FBN2: variants seen among roughly 807,000 people sequenced by gnomAD.
FBN2 encodes the protein fibrillin 2.
Under a neutral mutation model 355.6 loss-of-function variants are expected in FBN2, and 105 were observed. The observed-to-expected ratio is 0.30, with a 90% CI of 0.25 to 0.35. The LOEUF is 0.35. Among genes scored for constraint, FBN2 ranks in the 10% least tolerant of loss-of-function variants. FBN2 has a pLI of 1.00. For missense variants in FBN2, 3,280 were observed against 3,758.7 expected (o/e 0.87, Z 3.33); for synonymous variants, 1,350 against 1,301.2 (o/e 1.04, Z -0.81).
intron 39 of FBN2, among the ~76,000 whole-genome samples, chr5:128,310,895 C>T (rs919915077): frequency 6.6e-6 from 1 of 152,026 alleles, no homozygotes; most frequent in African/African-American, 2.4e-5. Flanking sequence ...AGCTGCATAA[C>T]CTTTGAACTT....
chr5:128,405,329 T>C (rs1322471492), intron 8 of FBN2, among the ~76,000 whole-genome samples: 4 of 152,158 alleles, frequency 2.6e-5, no homozygotes, highest in African/African-American at 9.7e-5. Context: ...AGTGTGGTCT[T>C]GTACAACAAT....
intron 2 of FBN2, among the ~76,000 whole-genome samples, chr5:128,534,534 A>AG (rs573142097): frequency 2.9e-3 from 442 of 152,356 alleles, no homozygotes; most frequent in Non-Finnish European, 3.8e-3. Flanking sequence ...TCTTGACACA[A>AG]GTGTTATAAA....
chr5:128,365,007 T>C (rs887956018), intron 17 of FBN2, among the ~76,000 whole-genome samples: 3 of 152,136 alleles, frequency 2.0e-5, no homozygotes, highest in African/African-American at 7.2e-5. Flanking sequence ...ATGACATTAA[T>C]AAAGACAATT....
At chr5:128,374,777 C>A (rs1752038675) in intron 14 of FBN2, 27 bp from the exon 15 acceptor site, 3 of 1,613,540 alleles carry the variant, frequency 1.9e-6, no homozygotes, top group Non-Finnish European at 2.5e-6. Context: ...AGAAGCCAAG[C>A]AGTTACTGGG....
chr5:128,454,214 C>T (rs1754327257), intron 6 of FBN2, among the ~76,000 whole-genome samples: 2 of 152,200 alleles, frequency 1.3e-5, no homozygotes, highest in Non-Finnish European at 2.9e-5. Context: ...GTGCTCATCA[C>T]TGGTTTTGTT....
At chr5:128,358,038 C>T (rs1374483996) in intron 19 of FBN2, among the ~76,000 whole-genome samples, 3 of 151,854 alleles carry the variant, frequency 2.0e-5, no homozygotes, top group African/African-American at 7.3e-5. Flanking sequence ...GGGACTCTAC[C>T]ATTTATTTGA....
At chr5:128,345,881 A>G (rs1269746931) in intron 23 of FBN2, among the ~76,000 whole-genome samples, 1 of 152,176 alleles carries the variant, frequency 6.6e-6, no homozygotes, top group Non-Finnish European at 1.5e-5. Flanking sequence ...ACTTTAGAAA[A>G]GGTAAGATAA....
rs559108724 is a variant in FBN2 at position 128,479,686 on chromosome 5, G to A, written c.629-14765C>T. ...TCATGTCTGAAATCCCAGTGCTTTG[G>A]GATGCTGCAACAGGAGGATAGCCTC... On this transcript the variant is annotated intron_variant, in intron 5 of 64. Coordinates refer to ENST00000262464, the MANE Select transcript of FBN2 (RefSeq NM_001999.4). Among the ~76,000 whole-genome samples the A allele has an allele frequency of 1.2e-4, 18 of 152,012 alleles. No individual in the cohort carries two copies. The South Asian group carries it at 3.7e-3, about 32-fold the overall frequency.
chr5:128,530,778 A>C (rs1462920035), intron 2 of FBN2, 85 bp from the exon 3 acceptor site: 9 of 877,540 alleles, frequency 1.0e-5, no homozygotes, highest in Admixed American at 6.4e-5. Flanking sequence ...TTTAAAAATA[A>C]AAAGCCTGAA....
chr5:128,272,199 A>G (rs1765284847), intron 61 of FBN2, 81 bp from the exon 62 acceptor site: 3 of 1,497,478 alleles, frequency 2.0e-6, no homozygotes, highest in Non-Finnish European at 2.8e-6. Flanking sequence ...AACCTGGGGT[A>G]ACTGTTATCA....
At chr5:128,287,915 T>C (rs867277882) in intron 53 of FBN2, among the ~76,000 whole-genome samples, 6 of 152,136 alleles carry the variant, frequency 3.9e-5, no homozygotes, top group African/African-American at 1.4e-4. Context: ...TCAGCTCAAG[T>C]GGCATGACTG....
At chr5:128,454,614 T>C (rs1156613195) in intron 6 of FBN2, among the ~76,000 whole-genome samples, 2 of 152,228 alleles carry the variant, frequency 1.3e-5, no homozygotes, top group Non-Finnish European at 2.9e-5. Context: ...GCTAGCAACA[T>C]CTGCCTGATT....
At chr5:128,441,543 G>A (rs1228071249) in intron 7 of FBN2, among the ~76,000 whole-genome samples, 1 of 152,138 alleles carries the variant, frequency 6.6e-6, no homozygotes, top group African/African-American at 2.4e-5. Flanking sequence ...ACAGCTCTGT[G>A]GTGATGATTT....
At chr5:128,536,755 T>C (rs1462954432) in intron 1 of FBN2, among the ~76,000 whole-genome samples, 4 of 152,126 alleles carry the variant, frequency 2.6e-5, no homozygotes, top group Non-Finnish European at 4.4e-5. Context: ...TGGAAACATA[T>C]AATTTGCTAC....
At chr5:128,375,699 T>A (rs1463304485) in intron 14 of FBN2, among the ~76,000 whole-genome samples, 4 of 152,100 alleles carry the variant, frequency 2.6e-5, no homozygotes, top group Admixed American at 1.3e-4. Flanking sequence ...AGGCAGAACA[T>A]CATTGATGGA....
chr5:128,328,100 CT>C (rs1750603127), intron 34 of FBN2: 1 of 167,008 alleles, frequency 6.0e-6, no homozygotes. Context: ...AATTGAGTTT[CT>C]AATTTAATAG....
Position 128,312,894 on chromosome 5 carries a change from C to T in FBN2, c.4718-99G>A, listed in dbSNP as rs552496991. The T allele has an allele frequency of 4.1e-5, 54 of 1,308,830 alleles. 1 individual carries two copies. The highest frequency in any genetic ancestry group is 1.7e-4 in the Admixed American group (10 of 59,556). The allele number at this position is 1,308,830 out of a possible 1,614,324, so 81.1% of individuals were successfully genotyped here. On this transcript the variant is annotated intron_variant, in intron 36 of 64. Coordinates refer to ENST00000262464, the MANE Select transcript of FBN2 (RefSeq NM_001999.4). ...CAAAGGATGAAATTCAAATTTTGTA[C>T]GTTAACATGAAAGGTTCCTTTTAAT...
chr5:128,535,889 C>A (rs1307396607), intron 2 of FBN2, among the ~76,000 whole-genome samples: 1 of 150,776 alleles, frequency 6.6e-6, no homozygotes, highest in East Asian at 1.9e-4. Flanking sequence ...TAGGTCAACA[C>A]TAAATCCGCG....
intron 18 of FBN2, among the ~76,000 whole-genome samples, chr5:128,362,206 CTTATGT>C (rs1751656049): frequency 6.6e-6 from 1 of 152,004 alleles, no homozygotes; most frequent in Admixed American, 6.6e-5. Context: ...TGTATACTTG[CTTATGT>C]ATAATAAAAG....
Sources: allele counts gnomAD v4.1 joint callset (sites outside exome capture counted in the v4.1 genomes callset), GRCh38; gene constraint gnomAD v4.1.1; transcripts MANE v1.5; gene names NCBI Gene and HGNC (gene_info 2026-07-23, HGNC 2026-07-21).